The following POLG variants were observed in gnomAD, a reference collection of about 807,000 sequenced individuals.
POLG encodes DNA polymerase subunit gamma-1.
Under a neutral mutation model 155.4 loss-of-function variants are expected in POLG, and 110 were observed. That is an observed-to-expected ratio of 0.71 (90% CI 0.61 to 0.83). POLG has a LOEUF of 0.83. Ranked by LOEUF, POLG falls within the 40% of genes least tolerant of loss-of-function variation. POLG has a pLI of 0.00. For synonymous variants in POLG, 701 were observed against 631.5 expected, an observed-to-expected ratio of 1.11 and a Z score of -1.65; for missense variants, 1,685 against 1,627.5, an observed-to-expected ratio of 1.04 and a Z score of -0.61.
In POLG at chr15:89,317,524, G is replaced by C. The variant is rs1187112429; in HGVS notation, c.3495C>G (p.Ala1165=). ...GCAAGTCATTCAGACCCAGCTTGTA[G>C]GCAAACATGCACCTGAAAGAGACCC... ...ITNLLTRCMF[A]YKLGLNDLPQ... is the part of the protein sequence containing the mutation. The change falls in exon 22 of 23, where the codon GCC becomes GCG. Residue 1165 remains alanine, a synonymous_variant. Coordinates refer to ENST00000268124, the MANE Select transcript of POLG (RefSeq NM_002693.3). The C allele has an allele frequency of 1.2e-6, 2 of 1,613,852 alleles. No individual in the cohort carries two copies. The highest frequency in any genetic ancestry group is 1.3e-5 in the African/African-American group (1 of 74,886).
intron 18 of POLG, 38 bp downstream of exon 18, chr15:89,320,728 G>A: frequency 6.2e-7 from 1 of 1,609,784 alleles, no homozygotes. Context: ...CAGGCCTCGG[G>A]TCCTGGGTGT....
In POLG at chr15:89,323,798, GCCGGCGCAC is replaced by G; in HGVS notation, c.2157+8_2157+16del. The G allele has an allele frequency of 6.2e-7, 1 of 1,606,282 alleles. No individual in the cohort carries two copies. The highest frequency in any genetic ancestry group is 8.5e-7 in the Non-Finnish European group (1 of 1,172,864). On this transcript the variant is annotated splice_region_variant and intron_variant, in intron 12 of 22. Coordinates refer to ENST00000268124, the MANE Select transcript of POLG (RefSeq NM_002693.3). ...CCCAGCACCCACCTAGAGAACCCAA[GCCGGCGCAC>G]TGCTCACCAGAGCTAGGGGTTGACC...
chr15:89,317,644 A>C, intron 21 of POLG, 108 bp from the exon 22 acceptor site: 2 of 1,065,374 alleles, frequency 1.9e-6, no homozygotes, highest in East Asian at 4.7e-5. Flanking sequence ...CCCCTGGACC[A>C]ACACCCCATC....
intron 18 of POLG, 110 bp downstream of exon 18, chr15:89,320,656 A>C: frequency 8.3e-7 from 1 of 1,207,912 alleles, no homozygotes; most frequent in Non-Finnish European, 1.2e-6. Context: ...GAGAGGGGCT[A>C]GGTGAGAGTT....
rs41550117 is a variant in POLG, at chr15:89,333,596, TTGCTGCTGCTGC to T, written c.147_158del (p.Gln52_Gln55del). The T allele has an allele frequency of 6.9e-4, 1,107 of 1,598,102 alleles. 4 individuals are homozygous for T. The highest frequency in any genetic ancestry group is 2.1e-3 in the South Asian group (191 of 90,088). On this transcript the variant is annotated inframe_deletion, in exon 2 of 23. Transcript: ENST00000268124. ...GCACTTGCGGCTGCTGAGGCTGCTGTTGCTGCTGCTGCTGCTGCTGCTGCTGCTGCTGCCGCC... is the reference window on the plus strand; with the variant it reads ...GCACTTGCGGCTGCTGAGGCTGCTGTTGCTGCTGCTGCTGCTGCTGCCGCC...
At position 89,333,694 on chromosome 15, in the gene POLG, C is replaced by A; in HGVS notation, c.61G>T (p.Ala21Ser). 2 of 1,541,986 alleles carry A rather than the reference C, an allele frequency of 1.3e-6. No individual in the cohort carries two copies. The highest frequency in any genetic ancestry group is 1.7e-6 in the Non-Finnish European group (2 of 1,149,566). The change falls in exon 2 of 23, where the codon GCT (alanine) becomes TCT (serine). Residue 21 changes from alanine (A) to serine (S), a missense_variant. Physicochemically the swap from Ala to Ser is moderately conservative, Grantham distance 99. Around this residue, in one of 3 missense-constraint regions of POLG, gnomAD observed 1,210 missense variants for 1,167.1 expected, o/e 1.04. Transcript: ENST00000268124. ...GAGCTGGAGACCCAGCGCCCCGGAG[C>A]TGGAACCGGCCCTGGCCCGACGGTG... ...GATVGPGPVPAPGRWVSSSVP... is the reference protein window; with the variant it reads ...GATVGPGPVPSPGRWVSSSVP...
At position 89,333,181 on chromosome 15, in the gene POLG, C is replaced by A; in HGVS notation, c.574G>T (p.Glu192Ter). The A allele has an allele frequency of 6.4e-7, 1 of 1,568,588 alleles. No homozygotes were observed. Among genetic ancestry groups the A allele is most frequent in the Admixed American group, 1.8e-5 (1 of 54,504 alleles). The change falls in exon 2 of 23, where the codon GAG (glutamate) becomes TAG (stop). Residue 192 changes from glutamate (E) to a stop codon, truncating the protein, a stop_gained. Transcript: ENST00000268124. LOFTEE classifies it high-confidence loss of function. Reference sequence around the variant, plus strand: ...TCCACGTCGAACACCAGGGCCCGCTCCTCGGGGATGGCCACGGGTACGGCC... The same window carrying A: ...TCCACGTCGAACACCAGGGCCCGCTACTCGGGGATGGCCACGGGTACGGCC... ...GEAVPVAIPE[E>*]RALVFDVEVC...
chr15:89,325,135 T>TGAGTGAGTGAGA (rs2055475138), intron 10 of POLG, among the ~76,000 whole-genome samples: 1 of 30,516 alleles, frequency 3.3e-5, no homozygotes, highest in African/African-American at 1.3e-4. Context: ...AGTGAGAGAG[T>TGAGTGAGTGAGA]GAGTGAGAGA....
intron 13 of POLG, 70 bp downstream of exon 13, chr15:89,323,334 C>G: frequency 1.0e-6 from 1 of 970,326 alleles, no homozygotes; most frequent in South Asian, 1.3e-5. Flanking sequence ...GTGTGTCACT[C>G]TGAAGGCCTG....
chr15:89,320,159 G>T (rs1243750125), intron 18 of POLG, among the ~76,000 whole-genome samples: 1 of 152,200 alleles, frequency 6.6e-6, no homozygotes, highest in African/African-American at 2.4e-5. Context: ...ACGAGAAAGT[G>T]AAGTTTCCAC....
At chr15:89,319,464 C>G in intron 18 of POLG, 114 bp from the exon 19 acceptor site, 1 of 1,405,328 alleles carries the variant, frequency 7.1e-7, no homozygotes. Flanking sequence ...GACATCATGC[C>G]AGTCCCCTAA....
At position 89,333,327 on chromosome 15, in the gene POLG, G is replaced by A. The variant is rs796052899; in HGVS notation, c.428C>T (p.Ala143Val). ...DNLDQHFRLL[A>V]QKQSLPYLEA... ...CAGGTAGGGCAGGCTCTGCTTCTGG[G>A]CCAGGAGGCGGAAGTGCTGGTCCAG... is the stretch of plus-strand genomic sequence containing the variant. Residue 143 changes from alanine to valine, a missense_variant, in exon 2 of 23, where the codon GCC (alanine) becomes GTC (valine). This residue lies in a region of POLG where 1,210 missense variants were observed against 1,167.1 expected (regional missense o/e 1.04). Coordinates refer to ENST00000268124, the MANE Select transcript of POLG (RefSeq NM_002693.3). 3.3e-5 allele frequency: 52 copies of A among 1,558,994 alleles called. No homozygotes were observed. The highest frequency in any genetic ancestry group is 4.3e-5 in the Non-Finnish European group (50 of 1,152,638).
intron 14 of POLG, among the ~76,000 whole-genome samples, chr15:89,322,428 C>A (rs2055409640): frequency 6.6e-6 from 1 of 152,202 alleles, no homozygotes; most frequent in Non-Finnish European, 1.5e-5. Context: ...AGCTCCCAGC[C>A]CCCAACAGGG....
chr15:89,321,171 C>T lies in POLG; in HGVS notation c.2688G>A (p.Leu896=), dbSNP rs769306875. The T allele has an allele frequency of 3.7e-6, 6 of 1,614,254 alleles. No individual in the cohort carries two copies. Among genetic ancestry groups the T allele is most frequent in the Non-Finnish European group, 5.1e-6 (6 of 1,180,042 alleles). The change falls in exon 17 of 23, where the codon CTG becomes CTA. Residue 896 remains leucine (L), a synonymous_variant. Coordinates refer to ENST00000268124, the MANE Select transcript of POLG (RefSeq NM_002693.3). The part of the protein sequence containing the change: ...LVGADVDSQE[L]WIAAVLGDAH... The stretch of plus-strand genomic sequence containing the variant: ...CGTCTCCAAGCACAGCTGCAATCCA[C>T]AGCTCTTGGGAGTCCACATCAGCAC...
In POLG at chr15:89,333,365, G is replaced by A. The variant is rs1214539830; in HGVS notation, c.390C>T (p.Leu130=). 2 of 1,576,188 alleles carry A rather than the reference G, an allele frequency of 1.3e-6. No individual in the cohort carries two copies. The highest frequency in any genetic ancestry group is 8.6e-7 in the Non-Finnish European group (1 of 1,163,788). ...LPDVELRLPP[L]YGDNLDQHFR... ...AGTGCTGGTCCAGGTTGTCCCCGTA[G>A]AGGGGCGGCAGGCGCAGCTCCACGT... The change falls in exon 2 of 23, where the codon CTC becomes CTT. Residue 130 remains leucine, a synonymous_variant. Transcript: ENST00000268124.
chr15:89,330,565 C>T (rs2055580967), intron 2 of POLG, among the ~76,000 whole-genome samples: 1 of 152,148 alleles, frequency 6.6e-6, no homozygotes, highest in Non-Finnish European at 1.5e-5. Context: ...CCTGGGCTAT[C>T]AAGGTGTTTG....
chr15:89,317,614 C>CA lies in POLG; in HGVS notation c.3483-79dup. On this transcript the variant is annotated intron_variant, in intron 21 of 22. Coordinates refer to ENST00000268124, the MANE Select transcript of POLG (RefSeq NM_002693.3). ...CATCACTCCTGGAGCAATGACCCCACACCCCTTAGAGCAGGGCTTCCCCTG... is the reference window on the plus strand; with the variant it reads ...CATCACTCCTGGAGCAATGACCCCACAACCCCTTAGAGCAGGGCTTCCCCTG... The CA allele has an allele frequency of 2.1e-6, 3 of 1,406,954 alleles. No individual in the cohort carries two copies. The South Asian group carries it at 3.4e-5, about 16-fold the overall frequency. 87.2% of individuals were successfully genotyped at this position (1,406,954 alleles called of 1,614,324 possible). A position where few individuals can be genotyped will look rare whatever the true frequency, so the allele number is the denominator to read the frequency against.
At chr15:89,321,305 T>A (rs1327475691) in intron 16 of POLG, 45 bp from the exon 17 acceptor site, 1 of 1,607,896 alleles carries the variant, frequency 6.2e-7, no homozygotes, top group East Asian at 2.2e-5. Context: ...TCCTACCCCA[T>A]TCCTGGAGCC....
rs1567192184 is a variant in POLG, at chr15:89,328,799, A to G, written c.1056T>C (p.Ser352=). 6.2e-7 allele frequency: 1 copy of G among 1,614,120 alleles called. No individual in the cohort carries two copies. Among genetic ancestry groups the G allele is most frequent in the Middle Eastern group, 1.6e-4 (1 of 6,062 alleles). ...TGTGCACCTCTGCCAGACTGTTGAC[A>G]CTGCTGATGTCCAGCCAGTCCCAGG... is the stretch of plus-strand genomic sequence containing the variant. ...ISSWDWLDIS[S]VNSLAEVHRL... is the part of the protein sequence containing the mutation. Residue 352 remains serine (S), a synonymous_variant, in exon 5 of 23, where the codon AGT becomes AGC. Coordinates refer to ENST00000268124, the MANE Select transcript of POLG (RefSeq NM_002693.3).
Sources: gnomAD v4.1 joint callset for allele counts (sites outside exome capture counted in the v4.1 genomes callset) on GRCh38, gnomAD v4.1.1 for gene constraint, gnomAD v4.1.1 regional missense constraint, MANE v1.5 for transcripts, NCBI Gene and HGNC (gene_info 2026-07-23, HGNC 2026-07-21) for gene names.